The following TMUB2 variants were observed in gnomAD, a reference collection of about 807,000 sequenced individuals.
TMUB2 encodes transmembrane and ubiquitin like domain containing 2.
In TMUB2, 19 loss-of-function variants were observed where a neutral mutation model predicts 20.2. The ratio of observed to expected loss-of-function variants is 0.94; its 90% CI spans 0.66 to 1.38. The LOEUF is 1.38. Among genes scored for constraint, TMUB2 ranks in the 40% most tolerant of loss-of-function variants. The pLI, the probability that TMUB2 is intolerant of heterozygous loss-of-function variation, is 0.00. For synonymous variants in TMUB2, 186 were observed against 166.0 expected (o/e 1.12, Z -0.92); for missense variants, 426 against 402.5 (o/e 1.06, Z -0.50).
chr17:44,191,662 G>A lies in TMUB2; in HGVS notation c.*798G>A. The A allele has an allele frequency of 2.0e-6, 2 of 985,826 alleles. No individual in the cohort carries two copies. The highest frequency in any genetic ancestry group is 2.4e-6 in the Non-Finnish European group (2 of 829,958). The allele number at this position is 985,826 out of a possible 1,614,324, so 61.1% of individuals were successfully genotyped here. ...CTGGGTATGGATTGCTGGGCCCTAG[G>A]CTCTTGCTTCTGGGGCTATTGGAGG... On this transcript the variant is annotated 3_prime_UTR_variant, in exon 4 of 4. Coordinates refer to ENST00000538716, the MANE Select transcript of TMUB2 (RefSeq NM_001076674.3).
At chr17:44,188,819 T>G in intron 2 of TMUB2, 5 of 791,238 alleles carry the variant, frequency 6.3e-6, no homozygotes, top group South Asian at 3.1e-5. Context: ...AAAGCAAGAG[T>G]TTCACAATAG....
intron 2 of TMUB2, 32 bp from the exon 3 acceptor site, chr17:44,188,990 T>C (rs756437702): frequency 5.0e-6 from 8 of 1,587,424 alleles, no homozygotes; most frequent in Non-Finnish European, 6.9e-6. Context: ...CCCCTCAGGC[T>C]CTGCTGATGC....
rs1414750506 is a variant in TMUB2, at chr17:44,191,793, G to GT, written c.*930dup. 1 of 959,362 alleles carries GT rather than the reference G, an allele frequency of 1.0e-6. No homozygotes were observed. Among genetic ancestry groups the GT allele is most frequent in the Middle Eastern group, 5.3e-4 (1 of 1,900 alleles). 59.4% of individuals were successfully genotyped at this position (959,362 alleles called of 1,614,324 possible). A position where few individuals can be genotyped will look rare whatever the true frequency, so the allele number is the denominator to read the frequency against. ...CCCAGGAAAATGGTAATGAGAGTAGGTAGGCCGGGGCTACCAACGGGAGAT... is the reference window on the plus strand; with the variant it reads ...CCCAGGAAAATGGTAATGAGAGTAGGTTAGGCCGGGGCTACCAACGGGAGAT... On this transcript the variant is annotated 3_prime_UTR_variant, in exon 4 of 4. Coordinates refer to ENST00000538716, the MANE Select transcript of TMUB2 (RefSeq NM_001076674.3).
Position 44,189,368 on chromosome 17 carries a change from G to T in TMUB2, c.382G>T (p.Gly128Cys). 6.2e-7 allele frequency: 1 copy of T among 1,609,974 alleles called. No individual in the cohort carries two copies. Among genetic ancestry groups the T allele is most frequent in the Non-Finnish European group, 8.5e-7 (1 of 1,177,766 alleles). ...GDSTGEAGAG[G>C]GVEPSLEHLL... ...CTCCACTGGGGAGGCTGGAGCTGGG[G>T]GTGGTGTTGAGCCCAGCCTTGAGCA... Residue 128 changes from glycine (G) to cysteine (C), a missense_variant, in exon 3 of 4, where the codon GGT becomes TGT. Gly to Cys is a radical substitution (Grantham distance 159). Transcript: ENST00000538716.
chr17:44,191,352 T>C lies in TMUB2; in HGVS notation c.*488T>C, dbSNP rs2055547068. 4 of 988,920 alleles carry C rather than the reference T, an allele frequency of 4.0e-6. No individual in the cohort carries two copies. Among genetic ancestry groups the C allele is most frequent in the Non-Finnish European group, 4.8e-6 (4 of 831,812 alleles). The allele number at this position is 988,920 out of a possible 1,614,324, so 61.3% of individuals were successfully genotyped here. Reference sequence around the variant, plus strand: ...GAAATCACACTGGCGGGAATGAAGATTGTGCCAGCCTTCTCTTATGGGCAC... The same window carrying C: ...GAAATCACACTGGCGGGAATGAAGACTGTGCCAGCCTTCTCTTATGGGCAC... On this transcript the variant is annotated 3_prime_UTR_variant, in exon 4 of 4. Transcript: ENST00000538716.
chr17:44,190,408 T>G, intron 3 of TMUB2, 93 bp from the exon 4 acceptor site: 1 of 1,360,460 alleles, frequency 7.4e-7, no homozygotes, highest in Non-Finnish European at 9.7e-7. Context: ...CACCCTCCAG[T>G]TTTTCCCCAC....
chr17:44,190,462 C>T, intron 3 of TMUB2, 39 bp from the exon 4 acceptor site: 1 of 1,547,058 alleles, frequency 6.5e-7, no homozygotes, highest in Non-Finnish European at 8.7e-7. Context: ...TCTCATTCCT[C>T]ACCCTCTATC....
rs745514372 is a variant in TMUB2, at chr17:44,189,508, C to T, written c.522C>T (p.Ile174=). The T allele has an allele frequency of 1.2e-6, 2 of 1,613,898 alleles. No individual in the cohort carries two copies. Among genetic ancestry groups the T allele is most frequent in the Non-Finnish European group, 1.7e-6 (2 of 1,179,892 alleles). Residue 174 remains isoleucine, a synonymous_variant, in exon 3 of 4, where the codon ATC becomes ATT. Transcript: ENST00000538716. ...STCLPPSPGL[I]TVRLKFLNDT... ...GCCTCCCTCCCAGCCCTGGCCTCAT[C>T]ACTGTGCGGCTCAAATTCCTCAATG...
At chr17:44,188,379 T>C (rs895693687) in intron 2 of TMUB2, among the ~76,000 whole-genome samples, 4 of 152,186 alleles carry the variant, frequency 2.6e-5, no homozygotes, top group Non-Finnish European at 5.9e-5. Flanking sequence ...CGGCACATAA[T>C]GTCTGCTGCA....
Position 44,190,842 on chromosome 17 carries a change from T to C in TMUB2, c.944T>C (p.Val315Ala), listed in dbSNP as rs755354295. The C allele has an allele frequency of 1.2e-6, 2 of 1,613,198 alleles. No individual in the cohort carries two copies. The highest frequency in any genetic ancestry group is 1.7e-6 in the Non-Finnish European group (2 of 1,179,502). Residue 315 changes from valine (V) to alanine (A), a missense_variant, in exon 4 of 4, where the codon GTA becomes GCA. Coordinates refer to ENST00000538716, the MANE Select transcript of TMUB2 (RefSeq NM_001076674.3). The part of the protein sequence containing the change: ...VGVTVFFSFL[V>A]FGMYGR ...GTCACCGTCTTCTTCAGCTTCCTAG[T>C]ATTTGGGATGTATGGACGATAAGGA...
In TMUB2 at chr17:44,190,736, G is replaced by A. The variant is rs770815000; in HGVS notation, c.838G>A (p.Val280Met). Residue 280 changes from valine (V) to methionine (M), a missense_variant, in exon 4 of 4, where the codon GTG becomes ATG. Val to Met is a conservative substitution (Grantham distance 21). Coordinates refer to ENST00000538716, the MANE Select transcript of TMUB2 (RefSeq NM_001076674.3). ...CAGCCTCATGGTGCCTGTCTTTGTG[G>A]TGCTGTTGGGTGTGGTCTGGTACTT... is the stretch of plus-strand genomic sequence containing the variant. ...VGSLMVPVFV[V>M]LLGVVWYFRI... is the part of the protein sequence containing the mutation. 2 of 1,614,232 alleles carry A rather than the reference G, an allele frequency of 1.2e-6. No individual in the cohort carries two copies. The highest frequency in any genetic ancestry group is 1.7e-5 in the Admixed American group (1 of 60,024).
In TMUB2 at chr17:44,190,603, CTG is replaced by C; in HGVS notation, c.710_711del (p.Val237AspfsTer25). On this transcript the variant is annotated frameshift_variant, in exon 4 of 4. Transcript: ENST00000538716. LOFTEE classifies it high-confidence loss of function. Reference sequence around the variant, plus strand: ...TGCGTTCTCTGAACATTACCGACAACTGTGTGATTCACTGCCACCGCTCACCC... The same window carrying C: ...TGCGTTCTCTGAACATTACCGACAACTGTGATTCACTGCCACCGCTCACCC... Reference protein sequence around the residue: ...TLRSLNITDNCVIHCHRSPPG... With the variant: ...TLRSLNITDNXVIHCHRSPPG... The C allele has an allele frequency of 1.2e-6, 2 of 1,614,238 alleles. No homozygotes were observed. The highest frequency in any genetic ancestry group is 2.2e-5 in the East Asian group (1 of 44,884).
chr17:44,188,005 G>T (rs558962821), intron 2 of TMUB2: 2 of 518,844 alleles, frequency 3.9e-6, no homozygotes, highest in Admixed American at 6.6e-5. Context: ...TAGAAAGATG[G>T]ACAGGTACAT....
chr17:44,189,659 G>A (rs944728654), intron 3 of TMUB2, 71 bp downstream of exon 3: 127 of 1,383,444 alleles, frequency 9.2e-5, no homozygotes, highest in Non-Finnish European at 1.1e-4. Flanking sequence ...AAGGAGGCTG[G>A]TGCAGACATG....
At position 44,191,575 on chromosome 17, in the gene TMUB2, G is replaced by A. The variant is rs899034436; in HGVS notation, c.*711G>A. On this transcript the variant is annotated 3_prime_UTR_variant, in exon 4 of 4. Transcript: ENST00000538716. ...ACAGCTGCTGCTCCCGTAGTCCTCA[G>A]GCTGTAAGCAAGAGACAGCACTGGC... 1.2e-5 allele frequency: 12 copies of A among 985,956 alleles called. No homozygotes were observed. The African/African-American group carries it at 2.1e-4, about 17-fold the overall frequency. The allele number at this position is 985,956 out of a possible 1,614,324, so 61.1% of individuals were successfully genotyped here.
chr17:44,188,382 C>G (rs2054798479), intron 2 of TMUB2, among the ~76,000 whole-genome samples: 1 of 152,184 alleles, frequency 6.6e-6, no homozygotes, highest in Non-Finnish European at 1.5e-5. Flanking sequence ...CACATAATGT[C>G]TGCTGCATAG....
chr17:44,187,729 A>C lies in TMUB2; in HGVS notation c.21A>C (p.Gln7His). 1 of 718,622 alleles carries C rather than the reference A, an allele frequency of 1.4e-6. No individual in the cohort carries two copies. The highest frequency in any genetic ancestry group is 2.7e-5 in the East Asian group (1 of 37,294). 44.5% of individuals were successfully genotyped at this position (718,622 alleles called of 1,614,324 possible). MISRHL[Q>H]NNLMSVDPAS... Reference sequence around the variant, plus strand: ...CTTCGATGATTTCACGTCATCTTCAAAACAACCTCATGAGGTAGGTACTGT... The same window carrying C: ...CTTCGATGATTTCACGTCATCTTCACAACAACCTCATGAGGTAGGTACTGT... The change falls in exon 2 of 4, where the codon CAA (glutamine) becomes CAC (histidine). Residue 7 changes from glutamine (Q) to histidine (H), a missense_variant. Transcript: ENST00000538716.
At chr17:44,188,585 C>G (rs973166369) in intron 2 of TMUB2, among the ~76,000 whole-genome samples, 16 of 152,164 alleles carry the variant, frequency 1.1e-4, no homozygotes, top group Non-Finnish European at 2.1e-4. Flanking sequence ...GTAAAATATT[C>G]CAGGCTTTTG....
In TMUB2 at chr17:44,189,557, A is replaced by G; in HGVS notation, c.571A>G (p.Arg191Gly). The G allele has an allele frequency of 6.2e-7, 1 of 1,606,640 alleles. No individual in the cohort carries two copies. Among genetic ancestry groups the G allele is most frequent in the Non-Finnish European group, 8.5e-7 (1 of 1,175,550 alleles). Reference sequence around the variant, plus strand: ...TGATACCGAGGAGCTGGCTGTGGCTAGGCCAGAGGATACCGTGGGTGCCCT... The same window carrying G: ...TGATACCGAGGAGCTGGCTGTGGCTGGGCCAGAGGATACCGTGGGTGCCCT... ...LNDTEELAVA[R>G]PEDTVGALKS... The change falls in exon 3 of 4, where the codon AGG (arginine) becomes GGG (glycine). Residue 191 changes from arginine to glycine, a missense_variant. Arg to Gly is a moderately radical substitution (Grantham distance 125). Coordinates refer to ENST00000538716, the MANE Select transcript of TMUB2 (RefSeq NM_001076674.3).
Sources: allele counts gnomAD v4.1 joint callset (sites outside exome capture counted in the v4.1 genomes callset), GRCh38; gene constraint gnomAD v4.1.1; transcripts MANE v1.5; gene names NCBI Gene and HGNC (gene_info 2026-07-23, HGNC 2026-07-21).